UBR2: variants seen among roughly 807,000 people sequenced by gnomAD.
UBR2 encodes ubiquitin protein ligase E3 component n-recognin 2.
A neutral mutation model predicts 247.9 loss-of-function variants in UBR2; 92 were observed. The ratio of observed to expected loss-of-function variants is 0.37; its 90% confidence interval spans 0.31 to 0.44. UBR2 has a LOEUF of 0.44. Ranked by LOEUF, UBR2 falls within the 20% of genes least tolerant of loss-of-function variation. The probability of loss-of-function intolerance (pLI) is 1.00; values close to 1 mark genes in which losing one functional copy is unlikely to be tolerated. For missense variants in UBR2, 1,613 were observed against 2,112.6 expected (o/e 0.76, Z 4.64); for synonymous variants, 672 against 693.5 (o/e 0.97, Z 0.49).
intron 35 of UBR2, 39 bp from the exon 36 acceptor site, chr6:42,670,616 TACATA>T (rs3076866): frequency 0.22 from 297,377 of 1,337,874 alleles, 34,009 homozygotes; most frequent in Middle Eastern, 0.26. Context: ...TATTAAAATA[TACATA>T]ACATAACATT....
At chr6:42,578,962 CACACACACAA>C (rs993414585) in intron 2 of UBR2, among the ~76,000 whole-genome samples, 2 of 103,996 alleles carry the variant, frequency 1.9e-5, no homozygotes, top group Admixed American at 1.9e-4. Context: ...CTCAAAAACA[CACACACACAA>C]ACACACACAC....
intron 8 of UBR2, among the ~76,000 whole-genome samples, chr6:42,614,358 ATATATGTG>A (rs1164815109): frequency 7.8e-6 from 1 of 128,204 alleles, no homozygotes; most frequent in Non-Finnish European, 1.7e-5. Flanking sequence ...GTATGTGTGT[ATATATGTG>A]TGTATGTGTG....
rs539386009 is a variant in UBR2, at chr6:42,615,932, A to C, written c.1094-70A>C. ...ACAAAACAAAAAAAACCCACTGTGG[A>C]TCACATAACACTTGAGAAATGTAAT... On this transcript the variant is annotated intron_variant, in intron 9 of 46. Coordinates refer to ENST00000372901, the MANE Select transcript of UBR2 (RefSeq NM_001363705.2). 14 of 1,171,020 alleles carry C rather than the reference A, an allele frequency of 1.2e-5. No individual in the cohort carries two copies. The East Asian group carries it at 3.7e-4, about 31-fold the overall frequency. 72.5% of individuals were successfully genotyped at this position (1,171,020 alleles called of 1,614,324 possible). A position where few individuals can be genotyped will look rare whatever the true frequency, so the allele number is the denominator to read the frequency against.
intron 44 of UBR2, among the ~76,000 whole-genome samples, chr6:42,685,572 C>T (rs1799336002): frequency 6.6e-6 from 1 of 150,936 alleles, no homozygotes; most frequent in Non-Finnish European, 1.5e-5. Context: ...GCTAGTGATT[C>T]TTGTACCTCA....
chr6:42,569,490 A>C (rs957474278), intron 1 of UBR2, among the ~76,000 whole-genome samples: 1 of 152,086 alleles, frequency 6.6e-6, no homozygotes, highest in South Asian at 2.1e-4. Context: ...TGACCTATTA[A>C]ATTTCTATAT....
intron 40 of UBR2, among the ~76,000 whole-genome samples, chr6:42,677,882 T>C (rs908104718): frequency 7.2e-5 from 11 of 152,326 alleles, no homozygotes; most frequent in African/African-American, 2.4e-4. Context: ...TTCCAAAATA[T>C]TATAAATCTA....
At chr6:42,637,519 G>A (rs966918528) in intron 15 of UBR2, among the ~76,000 whole-genome samples, 34 of 1,184 alleles carry the variant, frequency 0.029, no homozygotes, top group Admixed American at 0.2. Flanking sequence ...CAGATACCAC[G>A]TTTTATCATT....
intron 13 of UBR2, 53 bp downstream of exon 13, chr6:42,632,957 T>C: frequency 1.0e-5 from 9 of 902,602 alleles, no homozygotes; most frequent in Admixed American, 4.2e-5. Flanking sequence ...TTCTCTTTTC[T>C]CTTTTTTTTT....
intron 2 of UBR2, among the ~76,000 whole-genome samples, chr6:42,578,109 C>T (rs1355515099): frequency 6.6e-6 from 1 of 151,950 alleles, no homozygotes; most frequent in Non-Finnish European, 1.5e-5. Context: ...TGAGATTATG[C>T]TAAAAATGAT....
intron 8 of UBR2, among the ~76,000 whole-genome samples, chr6:42,614,194 AAAAAAAAAAAACTAT>A (rs1794282647): frequency 2.4e-5 from 1 of 41,156 alleles, no homozygotes; most frequent in African/African-American, 8.0e-5. Flanking sequence ...AAAAAAAAAA[AAAAAAAAAAAACTAT>A]ATATATATAC....
rs562154733 is a variant in UBR2 at position 42,622,366 on chromosome 6, TG to T, written c.1281+4865del. The stretch of plus-strand genomic sequence containing the variant: ...TATTTCTAGGTGTTTGGTTTGGTTT[TG>T]GGGGGAGGGGAGACATTGTTTTTGG... On this transcript the variant is annotated intron_variant, in intron 11 of 46. Coordinates refer to ENST00000372901, the MANE Select transcript of UBR2 (RefSeq NM_001363705.2). Among the ~76,000 whole-genome samples the T allele has an allele frequency of 5.9e-3, 891 of 151,038 alleles. 11 individuals carry two copies. The highest frequency in any genetic ancestry group is 0.021 in the African/African-American group (847 of 41,144).
chr6:42,609,509 T>C (rs531369694), intron 7 of UBR2, among the ~76,000 whole-genome samples: 6 of 152,196 alleles, frequency 3.9e-5, no homozygotes, highest in African/African-American at 1.4e-4. Context: ...AAACTTACTA[T>C]GTTAATATAT....
rs561810238 is a variant in UBR2 at position 42,576,704 on chromosome 6, A to G, written c.338+2711A>G. On this transcript the variant is annotated intron_variant, in intron 2 of 46. Transcript: ENST00000372901. The stretch of plus-strand genomic sequence containing the variant: ...ACTGGCTAATCTGTGTATTTTTAGT[A>G]GGGATGGGGTTTCACCACATTGGCC... 8.8e-4 allele frequency among the ~76,000 whole-genome samples: 133 copies of G among 151,918 alleles called. 1 individual carries two copies. The highest frequency in any genetic ancestry group is 3.0e-3 in the African/African-American group (126 of 41,456).
intron 2 of UBR2, among the ~76,000 whole-genome samples, chr6:42,578,796 C>T (rs1315583990): frequency 6.6e-6 from 1 of 152,034 alleles, no homozygotes; most frequent in African/African-American, 2.4e-5. Context: ...AGTCTTTTCT[C>T]TACTTAAAAT....
intron 35 of UBR2, 103 bp downstream of exon 35, chr6:42,670,343 C>A: frequency 2.2e-6 from 3 of 1,390,912 alleles, no homozygotes; most frequent in East Asian, 2.3e-5. Flanking sequence ...TGGGTAACAA[C>A]GTGAAGAAAT....
At chr6:42,680,213 T>G (rs562881460) in intron 42 of UBR2, among the ~76,000 whole-genome samples, 4 of 152,252 alleles carry the variant, frequency 2.6e-5, no homozygotes, top group Non-Finnish European at 5.9e-5. Context: ...CTCGAACTCC[T>G]GACCTCAAAT....
At chr6:42,644,443 C>G in intron 19 of UBR2, 30 bp from the exon 20 acceptor site, 2 of 1,608,034 alleles carry the variant, frequency 1.2e-6, no homozygotes, top group Non-Finnish European at 1.7e-6. Context: ...ATTCTTATCT[C>G]TGAACTTTAT....
intron 38 of UBR2, 127 bp downstream of exon 38, chr6:42,674,320 CT>C: frequency 1.2e-6 from 1 of 824,500 alleles, no homozygotes. Context: ...GAGTATAATT[CT>C]TTTATGAGAA....
At chr6:42,600,789 G>C (rs967925644) in intron 4 of UBR2, among the ~76,000 whole-genome samples, 2 of 151,974 alleles carry the variant, frequency 1.3e-5, no homozygotes, top group African/African-American at 4.8e-5. Flanking sequence ...TCCCACCTCA[G>C]CTTCCCAAGC....
Sources: allele counts gnomAD v4.1 joint callset (sites outside exome capture counted in the v4.1 genomes callset), GRCh38; gene constraint gnomAD v4.1.1; transcripts MANE v1.5; gene names NCBI Gene and HGNC (gene_info 2026-07-23, HGNC 2026-07-21).